MYOM3: variants seen among roughly 807,000 people sequenced by gnomAD.
MYOM3 encodes myomesin 3, also known as myomesin-3.
A neutral mutation model predicts 191.7 loss-of-function variants in MYOM3; 155 were observed. The observed-to-expected ratio is 0.81, with a 90% CI of 0.71 to 0.92. MYOM3 has a LOEUF of 0.92. Among genes scored for constraint, MYOM3 ranks in the 40% least tolerant of loss-of-function variants. The pLI is 0.00. For missense variants in MYOM3, 1,889 were observed against 1,890.6 expected, an observed-to-expected ratio of 1.00 and a Z score of 0.02; for synonymous variants, 757 against 762.9, an observed-to-expected ratio of 0.99 and a Z score of 0.13.
intron 12 of MYOM3, among the ~76,000 whole-genome samples, 169 bp downstream of exon 12, chr1:24,090,628 C>G (rs376115584): frequency 6.6e-6 from 1 of 152,086 alleles, no homozygotes; most frequent in Non-Finnish European, 1.5e-5. Context: ...TGGAAGTTCT[C>G]GAGGGCTGGC....
chr1:24,081,605 C>T, intron 18 of MYOM3, 149 bp from the exon 19 acceptor site: 1 of 933,764 alleles, frequency 1.1e-6, no homozygotes, highest in East Asian at 2.7e-5. Flanking sequence ...CTTTGTCACC[C>T]AGGCTGGAGT....
Position 24,090,061 on chromosome 1 carries a change from G to T in MYOM3, c.1486+4C>A, listed in dbSNP as rs1428790051. ...GGCCCAGTGTGTGGGAGGATCCCGC[G>T]TACCTTCAAAAGCGTCTGTGCTGAT... On this transcript the variant is annotated splice_donor_region_variant and intron_variant, in intron 13 of 36. Coordinates refer to ENST00000374434, the MANE Select transcript of MYOM3 (RefSeq NM_152372.4). The T allele has an allele frequency of 6.2e-7, 1 of 1,613,736 alleles. No homozygotes were observed. The highest frequency in any genetic ancestry group is 1.7e-5 in the Admixed American group (1 of 60,018).
chr1:24,111,718 CCAGT>C lies in MYOM3; in HGVS notation c.-19+309_-19+312del, dbSNP rs1243106235. 6.6e-6 allele frequency among the ~76,000 whole-genome samples: 1 copy of C among 152,042 alleles called. No homozygotes were observed. Among genetic ancestry groups the C allele is most frequent in the Admixed American group, 6.5e-5 (1 of 15,282 alleles). On this transcript the variant is annotated intron_variant, in intron 1 of 36. Transcript: ENST00000374434. This position sits in a 1 kb window ranked among gnomAD's most constrained non-coding sequence, Gnocchi z 4.7. ...TCGCTGCTCCATCACAGGAAAGACT[CCAGT>C]TCCCAGGGCAGCCCCCACTCTTTTT...
At chr1:24,095,322 A>G (rs1643873003) in intron 8 of MYOM3, 120 bp downstream of exon 8, 7 of 1,005,822 alleles carry the variant, frequency 7.0e-6, no homozygotes, top group Non-Finnish European at 1.1e-5. Flanking sequence ...TCATAGACAA[A>G]CCCCGGTGGA....
intron 25 of MYOM3, among the ~76,000 whole-genome samples, chr1:24,070,878 G>A (rs893544982): frequency 6.6e-6 from 1 of 152,130 alleles, no homozygotes; most frequent in African/African-American, 2.4e-5. Context: ...CTTTGTTTGT[G>A]GGAATGTCCC....
In MYOM3 at chr1:24,084,601, C is replaced by T. The variant is rs1322678755; in HGVS notation, c.1837G>A (p.Asp613Asn). The change falls in exon 16 of 37, where the codon GAC becomes AAC. Residue 613 changes from aspartate to asparagine, a missense_variant. Coordinates refer to ENST00000374434, the MANE Select transcript of MYOM3 (RefSeq NM_152372.4). ...PPPAQVQAFR[D>N]TQTSVSLTWD... ...GTCAGGGAGACAGAGGTCTGTGTGT[C>T]TCTGAAAGCTTGAACTTGAGCTGGA... The T allele has an allele frequency of 6.2e-7, 1 of 1,613,474 alleles. No homozygotes were observed.
In MYOM3 at chr1:24,063,356, A is replaced by G; in HGVS notation, c.3662-122T>C. 3 of 1,384,512 alleles carry G rather than the reference A, an allele frequency of 2.2e-6. No homozygotes were observed. The South Asian group carries it at 3.5e-5, about 16-fold the overall frequency. 85.8% of individuals were successfully genotyped at this position (1,384,512 alleles called of 1,614,324 possible). On this transcript the variant is annotated intron_variant, in intron 31 of 36. Transcript: ENST00000374434. The surrounding 1 kb of genome is among the most constrained non-coding windows in gnomAD (Gnocchi z 4.5). ...CTGTGGGGGAAATGCAGTGCTGTGA[A>G]GAGGCGGGATTTTCTCTTCGGTGTT...
chr1:24,081,490 G>T, intron 18 of MYOM3, 34 bp from the exon 19 acceptor site: 1 of 1,605,774 alleles, frequency 6.2e-7, no homozygotes, highest in Non-Finnish European at 8.5e-7. Context: ...ATGAGGCTGA[G>T]GCTGGAGGAG....
At position 24,063,128 on chromosome 1, in the gene MYOM3, G is replaced by T; in HGVS notation, c.3768C>A (p.His1256Gln). The change falls in exon 32 of 37, where the codon CAC becomes CAA. Residue 1256 changes from histidine to glutamine, a missense_variant and splice_region_variant. Physicochemically the swap from His to Gln is conservative, Grantham distance 24. Coordinates refer to ENST00000374434, the MANE Select transcript of MYOM3 (RefSeq NM_152372.4). The surrounding 1 kb of genome is among the most constrained non-coding windows in gnomAD (Gnocchi z 4.5). ...NVEYMKTTWF[H>Q]KDKRLESGDR... is the part of the protein sequence containing the mutation. ...GTTCTGGGGCAAGGCGGACTTACTT[G>T]TGGAACCAGGTGGTTTTCATGTACT... 6.2e-7 allele frequency: 1 copy of T among 1,604,586 alleles called. No homozygotes were observed. The highest frequency in any genetic ancestry group is 8.5e-7 in the Non-Finnish European group (1 of 1,171,836).
chr1:24,060,765 C>T (rs1257277994), intron 35 of MYOM3, among the ~76,000 whole-genome samples: 1 of 152,188 alleles, frequency 6.6e-6, no homozygotes. Flanking sequence ...ACAGATCACT[C>T]GGGAAGGCCT....
intron 5 of MYOM3, among the ~76,000 whole-genome samples, chr1:24,105,687 A>G (rs968699800): frequency 3.3e-5 from 5 of 152,194 alleles, no homozygotes; most frequent in Admixed American, 2.0e-4. Context: ...TGAGCCCAGG[A>G]GTCAAGACTG....
chr1:24,077,257 C>T (rs893473619), intron 20 of MYOM3, among the ~76,000 whole-genome samples: 2 of 152,222 alleles, frequency 1.3e-5, no homozygotes, highest in African/African-American at 4.8e-5. Context: ...TCTTCTCCCC[C>T]AGTCTGTCTT....
chr1:24,095,458 A>G lies in MYOM3; in HGVS notation c.774T>C (p.Asp258=). 1 of 1,613,200 alleles carries G rather than the reference A, an allele frequency of 6.2e-7. No homozygotes were observed. The highest frequency in any genetic ancestry group is 1.3e-5 in the African/African-American group (1 of 74,970). The change falls in exon 8 of 37, where the codon GAT becomes GAC. Residue 258 remains aspartate (D), a synonymous_variant. Coordinates refer to ENST00000374434, the MANE Select transcript of MYOM3 (RefSeq NM_152372.4). ...RTYLGKDAGF[D]SEIFKRSTFG... Reference sequence around the variant, plus strand: ...CCGACTTACTTTTGAAGATCTCTGAATCGAAGCCAGCATCCTTCCCCAGGT... The same window carrying G: ...CCGACTTACTTTTGAAGATCTCTGAGTCGAAGCCAGCATCCTTCCCCAGGT...
chr1:24,057,246 ATCTTGTC>A lies in MYOM3; in HGVS notation c.*111_*117del. 9.6e-7 allele frequency: 1 copy of A among 1,038,890 alleles called. No individual in the cohort carries two copies. The allele number at this position is 1,038,890 out of a possible 1,614,324, so 64.4% of individuals were successfully genotyped here. A position where few individuals can be genotyped will look rare whatever the true frequency, so the allele number is the denominator to read the frequency against. On this transcript the variant is annotated 3_prime_UTR_variant, in exon 37 of 37. Transcript: ENST00000374434. ...CCCCCACCCTCACATCCTGGGTTCT[ATCTTGTC>A]CCCTTTCCTTCTGCCCCACCCCTGT...
rs772493736 is a variant in MYOM3 at position 24,091,011 on chromosome 1, C to G, written c.1233-15G>C. 1 of 1,588,864 alleles carries G rather than the reference C, an allele frequency of 6.3e-7. No individual in the cohort carries two copies. The highest frequency in any genetic ancestry group is 8.5e-7 in the Non-Finnish European group (1 of 1,178,994). On this transcript the variant is annotated splice_polypyrimidine_tract_variant and intron_variant, in intron 11 of 36. Transcript: ENST00000374434. The stretch of plus-strand genomic sequence containing the variant: ...CGCCCTGGCACCTGTTGGAGACAGG[C>G]CCCCCCTTTCAGCCCCTGCCCACAA...
At position 24,105,282 on chromosome 1, in the gene MYOM3, C is replaced by A. The variant is rs192533400; in HGVS notation, c.560+638G>T. On this transcript the variant is annotated intron_variant, in intron 5 of 36. Transcript: ENST00000374434. ...TCAGAACAGGAAATGGAGTCAGGACCAGGCAGTTTAAGAGGCATGGCTGAG... is the reference window on the plus strand; with the variant it reads ...TCAGAACAGGAAATGGAGTCAGGACAAGGCAGTTTAAGAGGCATGGCTGAG... 3.6e-3 allele frequency among the ~76,000 whole-genome samples: 551 copies of A among 152,334 alleles called. 5 individuals carry two copies. Among genetic ancestry groups the A allele is most frequent in the Middle Eastern group, 0.027 (8 of 294 alleles).
chr1:24,106,565 G>A (rs76729092), intron 4 of MYOM3, among the ~76,000 whole-genome samples: 4,232 of 152,116 alleles, frequency 0.028, 102 homozygotes, highest in African/African-American at 0.059. Flanking sequence ...TTACAATGAC[G>A]TCTATTTTAC....
At chr1:24,057,928 TC>T (rs887086454) in intron 36 of MYOM3, among the ~76,000 whole-genome samples, 39 of 152,296 alleles carry the variant, frequency 2.6e-4, no homozygotes, top group African/African-American at 8.2e-4. Flanking sequence ...TGCATCAGCC[TC>T]CTGAGTAGTT....
chr1:24,062,238 G>T, intron 32 of MYOM3, 129 bp from the exon 33 acceptor site: 1 of 859,492 alleles, frequency 1.2e-6, no homozygotes, highest in Non-Finnish European at 1.8e-6. Context: ...TGAGGCACCA[G>T]ATAAATATCC....
Sources: gnomAD v4.1 joint callset for allele counts (sites outside exome capture counted in the v4.1 genomes callset) on GRCh38, gnomAD v4.1.1 for gene constraint, Gnocchi (gnomAD v3.1) non-coding constraint, MANE v1.5 for transcripts, NCBI Gene and HGNC (gene_info 2026-07-23, HGNC 2026-07-21) for gene names.